RBFOX1: variants seen among roughly 807,000 people sequenced by gnomAD.
The protein encoded by RBFOX1 is RNA binding fox-1 homolog 1, also known as RNA binding protein fox-1 homolog 1.
In RBFOX1, 8 loss-of-function variants were observed where a neutral mutation model predicts 57.7. The observed-to-expected ratio is 0.14, with a 90% CI of 0.08 to 0.25. RBFOX1 has a LOEUF of 0.25. RBFOX1 is among the 10% of genes least tolerant of loss of function. The pLI is 1.00. For missense variants in RBFOX1, 611 were observed against 548.5 expected, an observed-to-expected ratio of 1.11 and a Z score of -1.14; for synonymous variants, 326 against 222.4, an observed-to-expected ratio of 1.47 and a Z score of -4.15.
intron 4 of RBFOX1, among the ~76,000 whole-genome samples, chr16:7,489,258 T>A (rs1028398847): frequency 2.0e-5 from 3 of 152,164 alleles, no homozygotes; most frequent in Non-Finnish European, 1.5e-5. Flanking sequence ...TATTAATGGT[T>A]GAGTAATGTA....
intron 4 of RBFOX1, among the ~76,000 whole-genome samples, chr16:5,930,228 T>TGGAA (rs902287595): frequency 8.3e-6 from 1 of 120,808 alleles, no homozygotes; most frequent in African/African-American, 3.3e-5. Flanking sequence ...GATGGATGGA[T>TGGAA]GGATGGATGG....
chr16:6,742,404 C>T (rs1452857900), intron 3 of RBFOX1, among the ~76,000 whole-genome samples: 2 of 152,156 alleles, frequency 1.3e-5, no homozygotes, highest in African/African-American at 4.8e-5. Flanking sequence ...TGACACAACT[C>T]TTCTGGCAAA....
chr16:6,803,037 C>G (rs560056078), intron 3 of RBFOX1, among the ~76,000 whole-genome samples: 33 of 152,302 alleles, frequency 2.2e-4, no homozygotes, highest in African/African-American at 7.5e-4. Context: ...AAGGGACTTA[C>G]TCATTTCCAT....
chr16:6,783,388 AT>A (rs1380751717), intron 3 of RBFOX1, among the ~76,000 whole-genome samples: 3 of 125,990 alleles, frequency 2.4e-5, no homozygotes, highest in African/African-American at 5.9e-5. Context: ...CTGTCTTTTA[AT>A]TTTTTTGTGT....
chr16:6,733,171 C>G (rs2069118885), intron 3 of RBFOX1, among the ~76,000 whole-genome samples: 1 of 152,188 alleles, frequency 6.6e-6, no homozygotes, highest in African/African-American at 2.4e-5. Flanking sequence ...AACCCCTCAT[C>G]TCCCATAGGT....
intron 2 of RBFOX1, among the ~76,000 whole-genome samples, chr16:5,595,629 G>T (rs192265248): frequency 6.6e-6 from 1 of 152,312 alleles, no homozygotes; most frequent in East Asian, 1.9e-4. Flanking sequence ...GAGGCTTATT[G>T]TAAGGATTCA....
chr16:6,601,136 T>G (rs2097847853), intron 2 of RBFOX1, among the ~76,000 whole-genome samples: 1 of 152,210 alleles, frequency 6.6e-6, no homozygotes, highest in Admixed American at 6.5e-5. Flanking sequence ...TTGTAAAGCC[T>G]TTGGGCTTTA....
chr16:6,051,755 G>A (rs1279568436), intron 1 of RBFOX1, among the ~76,000 whole-genome samples: 2 of 152,126 alleles, frequency 1.3e-5, no homozygotes, highest in Admixed American at 6.5e-5. Context: ...GTAGAGACAG[G>A]GTTTCATCAT....
chr16:5,338,479 G>A (rs1197873772), intron 1 of RBFOX1, among the ~76,000 whole-genome samples: 1 of 152,158 alleles, frequency 6.6e-6, no homozygotes, highest in African/African-American at 2.4e-5. Context: ...TCAGAAACTA[G>A]GGCCGTCTGA....
At chr16:6,069,599 A>C (rs938598130) in intron 1 of RBFOX1, among the ~76,000 whole-genome samples, 2 of 152,206 alleles carry the variant, frequency 1.3e-5, no homozygotes, top group Non-Finnish European at 2.9e-5. Flanking sequence ...TTTCAAGGTC[A>C]TATAAACCTT....
rs1567336795 is a variant in RBFOX1, at chr16:7,120,836, C to CACACACACACACACACACAT, written c.27+68757_27+68758insTACACACACACACACACACA. 1.0e-3 allele frequency among the ~76,000 whole-genome samples: 147 copies of CACACACACACACACACACAT among 140,854 alleles called. 2 individuals are homozygous for CACACACACACACACACACAT. The highest frequency in any genetic ancestry group is 1.4e-3 in the Non-Finnish European group (90 of 65,128). The allele number at this position is 140,854 out of a possible 152,430, so 92.4% of individuals were successfully genotyped here. On this transcript the variant is annotated intron_variant, in intron 4 of 15. Transcript: ENST00000550418. Reference sequence around the variant, plus strand: ...TATTTTATATATGTATATATACACACACACACACACACACACACACACATA... The same window carrying CACACACACACACACACACAT: ...TATTTTATATATGTATATATACACACACACACACACACACACACATACACACACACACACACACACACATA...
intron 4 of RBFOX1, among the ~76,000 whole-genome samples, chr16:7,286,718 G>A (rs2095658642): frequency 6.6e-6 from 1 of 150,556 alleles, no homozygotes. Context: ...CCGCCTCCTG[G>A]GTACCCACCA....
At chr16:7,495,980 A>C (rs1263569855) in intron 4 of RBFOX1, among the ~76,000 whole-genome samples, 1 of 152,208 alleles carries the variant, frequency 6.6e-6, no homozygotes, top group Non-Finnish European at 1.5e-5. Flanking sequence ...ATTCTTAATA[A>C]GTACTTCCAT....
intron 4 of RBFOX1, among the ~76,000 whole-genome samples, chr16:7,467,480 A>C (rs1175713229): frequency 6.6e-6 from 1 of 152,214 alleles, no homozygotes; most frequent in African/African-American, 2.4e-5. Context: ...GAGAACATTC[A>C]ACCCTTAGAA....
At chr16:6,557,642 C>T (rs907032947) in intron 2 of RBFOX1, among the ~76,000 whole-genome samples, 1 of 152,154 alleles carries the variant, frequency 6.6e-6, no homozygotes, top group Admixed American at 6.5e-5. Context: ...CCCATTCTAT[C>T]TCTGATGAAA....
At chr16:7,185,677 G>A (rs1455945947) in intron 4 of RBFOX1, among the ~76,000 whole-genome samples, 1 of 152,180 alleles carries the variant, frequency 6.6e-6, no homozygotes, top group Non-Finnish European at 1.5e-5. Context: ...GCCTAGTTAT[G>A]CGGTTTATCT....
chr16:6,015,310 C>G (rs145097444), upstream of RBFOX1, among the ~76,000 whole-genome samples: 284 of 152,274 alleles, frequency 1.9e-3, 2 homozygotes, highest in African/African-American at 6.7e-3. Flanking sequence ...GATGTTTACA[C>G]TGACCTTCTG....
intron 3 of RBFOX1, among the ~76,000 whole-genome samples, chr16:5,659,126 A>G (rs1255333003): frequency 1.3e-5 from 2 of 152,016 alleles, no homozygotes; most frequent in Non-Finnish European, 2.9e-5. Flanking sequence ...TCCCACCATC[A>G]GTGCAGAAGT....
At chr16:6,060,122 G>GTTTTTTTTTTTTTTTTTTTTTTTTTTTT (rs199690584) in intron 1 of RBFOX1, among the ~76,000 whole-genome samples, 5 of 114,192 alleles carry the variant, frequency 4.4e-5, no homozygotes, top group East Asian at 2.6e-4. Flanking sequence ...TAGGATTAGG[G>GTTTTTTTTTTTTTTTTTTTTTTTTTTTT]TTTTTTTTTT....
Sources: gnomAD v4.1 joint callset for allele counts (sites outside exome capture counted in the v4.1 genomes callset) on GRCh38, gnomAD v4.1.1 for gene constraint, MANE v1.5 for transcripts, NCBI Gene and HGNC (gene_info 2026-07-23, HGNC 2026-07-21) for gene names.